WDPCP: variants seen among roughly 807,000 people sequenced by gnomAD.
WDPCP encodes WD repeat-containing and planar cell polarity effector protein fritz homolog.
WDPCP carries 71 observed loss-of-function variants against 93.1 expected under a neutral mutation model. The observed-to-expected ratio is 0.76, with a 90% CI of 0.63 to 0.93. WDPCP has a LOEUF of 0.93. WDPCP is among the 40% of genes least tolerant of loss of function. The probability of loss-of-function intolerance (pLI) is 0.00; values close to 1 mark genes in which losing one functional copy is unlikely to be tolerated. For missense variants in WDPCP, 844 were observed against 887.4 expected (o/e 0.95, Z 0.62); for synonymous variants, 315 against 315.0 (o/e 1.00, Z 0.00).
chr2:63,321,118 G>T (rs1443466679), intron 12 of WDPCP, among the ~76,000 whole-genome samples: 2 of 151,948 alleles, frequency 1.3e-5, no homozygotes, highest in African/African-American at 4.8e-5. Context: ...TCATGACTGT[G>T]AGTGTCTTAA....
chr2:63,810,091 C>G (rs1479842240), intron 2 of WDPCP, among the ~76,000 whole-genome samples: 1 of 152,086 alleles, frequency 6.6e-6, no homozygotes, highest in Non-Finnish European at 1.5e-5. Context: ...AAAAAATAAG[C>G]AATATACAAA....
intron 17 of WDPCP, among the ~76,000 whole-genome samples, chr2:63,146,413 T>TG (rs1424786396): frequency 1.3e-5 from 2 of 151,522 alleles, no homozygotes; most frequent in East Asian, 3.9e-4. Flanking sequence ...CGTGTTTTTT[T>TG]TTTTTTTTTT....
intron 15 of WDPCP, among the ~76,000 whole-genome samples, chr2:63,172,081 T>C (rs2103986589): frequency 6.6e-6 from 1 of 152,036 alleles, no homozygotes; most frequent in African/African-American, 2.4e-5. Context: ...TATTTGGGGG[T>C]GATGGAAATG....
chr2:63,261,236 A>G (rs1013230743), intron 13 of WDPCP, among the ~76,000 whole-genome samples: 3 of 138,452 alleles, frequency 2.2e-5, no homozygotes, highest in Admixed American at 7.3e-5. Context: ...TCAGCAATAT[A>G]TTTTCTGATT....
chr2:63,231,243 G>A (rs532220325), intron 14 of WDPCP, among the ~76,000 whole-genome samples: 2 of 152,270 alleles, frequency 1.3e-5, no homozygotes, highest in East Asian at 1.9e-4. Context: ...GGCAAACACT[G>A]GAGGCATTCC....
chr2:63,664,884 A>G (rs1418930138), intron 2 of WDPCP, among the ~76,000 whole-genome samples: 3 of 152,228 alleles, frequency 2.0e-5, no homozygotes, highest in Non-Finnish European at 4.4e-5. Flanking sequence ...GTGATCAAAC[A>G]CATTGCCCCA....
At chr2:63,772,040 T>A (rs1575769335) in intron 2 of WDPCP, among the ~76,000 whole-genome samples, 1 of 152,094 alleles carries the variant, frequency 6.6e-6, no homozygotes, top group African/African-American at 2.4e-5. Context: ...TAGAATGACT[T>A]ATTTTTCTTT....
chr2:63,217,599 A>AAAT (rs547612124), intron 14 of WDPCP, among the ~76,000 whole-genome samples: 2 of 152,306 alleles, frequency 1.3e-5, no homozygotes, highest in South Asian at 4.1e-4. Flanking sequence ...AAAGTATTTG[A>AAAT]AATAGCTTTC....
intron 13 of WDPCP, among the ~76,000 whole-genome samples, chr2:63,281,028 G>A (rs10184105): frequency 0.8 from 121,887 of 152,128 alleles, 49,689 homozygotes; most frequent in East Asian, 0.96. Flanking sequence ...GAAATAATCA[G>A]CAGAGTTAAC....
rs1694592581 is a variant in WDPCP at position 63,406,431 on chromosome 2, G to T, written c.826-1774C>A. Among the ~76,000 whole-genome samples the T allele has an allele frequency of 3.3e-5, 5 of 152,274 alleles. No homozygotes were observed. The South Asian group carries it at 1.0e-3, about 32-fold the overall frequency. On this transcript the variant is annotated intron_variant, in intron 9 of 17. Transcript: ENST00000272321. ...CCAGGCACTGGTTCTGGGGGCTAGGGATATGACATTGCATAAAATCTTCTC... is the reference window on the plus strand; with the variant it reads ...CCAGGCACTGGTTCTGGGGGCTAGGTATATGACATTGCATAAAATCTTCTC...
At chr2:63,482,157 C>T (rs1700302603) in intron 6 of WDPCP, among the ~76,000 whole-genome samples, 2 of 151,972 alleles carry the variant, frequency 1.3e-5, no homozygotes, top group African/African-American at 4.8e-5. Context: ...TCTTATGTTG[C>T]TGTGGTTGCC....
intron 14 of WDPCP, among the ~76,000 whole-genome samples, chr2:63,236,207 G>T (rs183000254): frequency 2.4e-4 from 37 of 152,186 alleles, no homozygotes; most frequent in Middle Eastern, 3.4e-3. Flanking sequence ...TGAGAGCCAA[G>T]TCAAGAACTT....
chr2:63,610,744 A>G (rs891082578), intron 3 of WDPCP, among the ~76,000 whole-genome samples: 4 of 152,224 alleles, frequency 2.6e-5, no homozygotes, highest in Admixed American at 6.5e-5. Flanking sequence ...TACATAAATT[A>G]TAACACACTG....
chr2:63,789,844 A>G (rs931718282), intron 2 of WDPCP, among the ~76,000 whole-genome samples: 3 of 152,212 alleles, frequency 2.0e-5, no homozygotes, highest in African/African-American at 7.2e-5. Flanking sequence ...AATGCGAAAC[A>G]TATGTGAATA....
rs184230918 is a variant in WDPCP at position 63,391,251 on chromosome 2, A to C, written c.1436-9157T>G. ...GCTGATTAAACATACGCAAATCAAT[A>C]AACGTAATCCATCACATAAACAGAA... On this transcript the variant is annotated intron_variant, in intron 10 of 17. Coordinates refer to ENST00000272321, the MANE Select transcript of WDPCP (RefSeq NM_015910.7). Among the ~76,000 whole-genome samples the C allele has an allele frequency of 8.5e-5, 13 of 152,328 alleles. No individual in the cohort carries two copies. The East Asian group carries it at 2.5e-3, about 29-fold the overall frequency.
chr2:63,648,382 C>A (rs1710075659), intron 3 of WDPCP, among the ~76,000 whole-genome samples: 1 of 152,018 alleles, frequency 6.6e-6, no homozygotes, highest in African/African-American at 2.4e-5. Context: ...CATCAGTATT[C>A]TTTTTTTGAA....
At chr2:63,548,392 T>C (rs1195326439) in intron 1 of WDPCP, among the ~76,000 whole-genome samples, 1 of 151,950 alleles carries the variant, frequency 6.6e-6, no homozygotes, top group Non-Finnish European at 1.5e-5. Flanking sequence ...TCCAATAACA[T>C]ACCTTCAAAA....
At chr2:63,314,183 TC>T (rs1311233283) in intron 12 of WDPCP, among the ~76,000 whole-genome samples, 1 of 50,450 alleles carries the variant, frequency 2.0e-5, no homozygotes, top group Non-Finnish European at 3.0e-5. Flanking sequence ...GGCCCCATCT[TC>T]TTTTTTTTTT....
intron 2 of WDPCP, among the ~76,000 whole-genome samples, chr2:63,763,207 A>G (rs1171944112): frequency 6.6e-6 from 1 of 152,134 alleles, no homozygotes; most frequent in African/African-American, 2.4e-5. Flanking sequence ...AAGTACAAAA[A>G]GGTATTTGTT....
Sources: gnomAD v4.1 joint callset for allele counts (sites outside exome capture counted in the v4.1 genomes callset) on GRCh38, gnomAD v4.1.1 for gene constraint, MANE v1.5 for transcripts, NCBI Gene and HGNC (gene_info 2026-07-23, HGNC 2026-07-21) for gene names.